The following TMEM71 variants were observed in gnomAD, a reference collection of about 807,000 sequenced individuals.
The protein encoded by TMEM71 is transmembrane protein 71.
A neutral mutation model predicts 38.0 loss-of-function variants in TMEM71; 44 were observed. The observed-to-expected ratio is 1.16, with a 90% CI of 0.91 to 1.49. The LOEUF (loss-of-function observed/expected upper bound fraction) is 1.49. Among genes scored for constraint, TMEM71 ranks in the 40% most tolerant of loss-of-function variants. TMEM71 has a pLI of 0.00. For synonymous variants in TMEM71, 133 were observed against 122.5 expected (o/e 1.09, Z -0.56); for missense variants, 367 against 348.6 (o/e 1.05, Z -0.42).
the TMEM71 span, chr8:132,775,371 G>C: frequency 2.7e-6 from 1 of 364,566 alleles, no homozygotes; most frequent in Non-Finnish European, 4.9e-6. Flanking sequence ...GACGTCGCCG[G>C]GGCCCGGCGT....
At chr8:132,723,157 A>G (rs1326997993) in intron 6 of TMEM71, among the ~76,000 whole-genome samples, 1 of 152,222 alleles carries the variant, frequency 6.6e-6, no homozygotes, top group African/African-American at 2.4e-5. Flanking sequence ...TCAAAATATC[A>G]CAGTAGTAAA....
intron 5 of TMEM71, among the ~76,000 whole-genome samples, chr8:132,730,260 G>C (rs149455622): frequency 1.8e-4 from 28 of 152,142 alleles, no homozygotes; most frequent in African/African-American, 6.7e-4. Flanking sequence ...GCCTGGCCTT[G>C]AGTTAAAATT....
intron 5 of TMEM71, among the ~76,000 whole-genome samples, chr8:132,733,333 T>C (rs778733142): frequency 6.6e-6 from 1 of 152,190 alleles, no homozygotes; most frequent in Non-Finnish European, 1.5e-5. Flanking sequence ...AGATATGTAG[T>C]GTTGTTATTT....
intron 7 of TMEM71, among the ~76,000 whole-genome samples, chr8:132,714,620 T>TG (rs1826405373): frequency 1.3e-5 from 2 of 152,042 alleles, no homozygotes; most frequent in Non-Finnish European, 2.9e-5. Flanking sequence ...GAAGAAAACA[T>TG]GGGGGAATAT....
intron 5 of TMEM71, among the ~76,000 whole-genome samples, chr8:132,729,334 C>T (rs1377949675): frequency 6.6e-6 from 1 of 152,216 alleles, no homozygotes; most frequent in East Asian, 1.9e-4. Context: ...CACTGGAAGT[C>T]TCCCATTTGG....
At chr8:132,739,074 C>T (rs1214519407) in intron 5 of TMEM71, among the ~76,000 whole-genome samples, 2 of 152,062 alleles carry the variant, frequency 1.3e-5, no homozygotes, top group South Asian at 2.1e-4. Flanking sequence ...AAAAATGTTA[C>T]GTGTGTCTTC....
At chr8:132,719,292 A>G (rs941631365) in intron 7 of TMEM71, among the ~76,000 whole-genome samples, 1 of 152,250 alleles carries the variant, frequency 6.6e-6, no homozygotes, top group African/African-American at 2.4e-5. Context: ...TAAAAAATTC[A>G]AAATCTGAAA....
intron 5 of TMEM71, among the ~76,000 whole-genome samples, chr8:132,746,339 A>G (rs1828343246): frequency 6.8e-6 from 1 of 147,414 alleles, no homozygotes; most frequent in Non-Finnish European, 1.5e-5. Context: ...TTATGTGTTT[A>G]TATACATACA....
chr8:132,755,630 T>C (rs1828960360), intron 3 of TMEM71, among the ~76,000 whole-genome samples: 1 of 152,224 alleles, frequency 6.6e-6, no homozygotes, highest in South Asian at 2.1e-4. Flanking sequence ...GATTACACAC[T>C]GATAGATTAC....
chr8:132,765,059 C>T (rs571248336), upstream of TMEM71, among the ~76,000 whole-genome samples: 19 of 152,282 alleles, frequency 1.2e-4, no homozygotes, highest in South Asian at 1.0e-3. Context: ...AACAGTTATG[C>T]CACAGTAAAA....
chr8:132,763,433 T>C (rs540743862), upstream of TMEM71, among the ~76,000 whole-genome samples: 1 of 152,322 alleles, frequency 6.6e-6, no homozygotes, highest in South Asian at 2.1e-4. Context: ...TTCAGAACCT[T>C]TATTCTGCAT....
intron 3 of TMEM71, among the ~76,000 whole-genome samples, chr8:132,756,988 G>T (rs1292809509): frequency 2.0e-5 from 3 of 151,786 alleles, no homozygotes; most frequent in Non-Finnish European, 2.9e-5. Context: ...CTGGATTCAC[G>T]TCATTCTCCC....
chr8:132,730,333 T>C (rs2131075236), intron 5 of TMEM71, among the ~76,000 whole-genome samples: 1 of 152,296 alleles, frequency 6.6e-6, no homozygotes, highest in Non-Finnish European at 1.5e-5. Flanking sequence ...CTGTGATATC[T>C]GCCAGAAGCC....
At chr8:132,727,714 A>G in intron 6 of TMEM71, 84 bp downstream of exon 6, 1 of 1,287,454 alleles carries the variant, frequency 7.8e-7, no homozygotes, top group Non-Finnish European at 1.1e-6. Flanking sequence ...TCCTAACTGC[A>G]TTTTAGTCAT....
At chr8:132,732,162 A>G (rs1026298973) in intron 5 of TMEM71, among the ~76,000 whole-genome samples, 3 of 152,224 alleles carry the variant, frequency 2.0e-5, no homozygotes, top group Admixed American at 6.5e-5. Flanking sequence ...TTAGGATGCA[A>G]TGAGGTAATT....
At chr8:132,751,041 C>A (rs1310350349) in intron 4 of TMEM71, among the ~76,000 whole-genome samples, 2 of 152,180 alleles carry the variant, frequency 1.3e-5, no homozygotes, top group Non-Finnish European at 2.9e-5. Context: ...TCACACACAT[C>A]CAACTACCCA....
chr8:132,746,856 G>A (rs2131156999), intron 5 of TMEM71, 86 bp downstream of exon 5: 3 of 1,111,954 alleles, frequency 2.7e-6, no homozygotes, highest in East Asian at 2.6e-5. Context: ...TGTCATCCCT[G>A]GAACTGACAT....
At chr8:132,708,637 T>C (rs76079315), downstream of TMEM71, among the ~76,000 whole-genome samples, 4 of 152,318 alleles carry the variant, frequency 2.6e-5, no homozygotes, top group East Asian at 7.7e-4. Flanking sequence ...CTGGAAGATA[T>C]CTGCATTCCA....
chr8:132,706,499 T>C (rs1206656969), downstream of TMEM71, among the ~76,000 whole-genome samples: 1 of 152,190 alleles, frequency 6.6e-6, no homozygotes, highest in Non-Finnish European at 1.5e-5. Context: ...TAATTTACTT[T>C]CTCAATCTTT....
Sources: gnomAD v4.1 joint callset for allele counts (sites outside exome capture counted in the v4.1 genomes callset) on GRCh38, gnomAD v4.1.1 for gene constraint, MANE v1.5 for transcripts, NCBI Gene and HGNC (gene_info 2026-07-23, HGNC 2026-07-21) for gene names.